LHFPL3: variants seen among roughly 807,000 people sequenced by gnomAD.
LHFPL3 encodes the protein LHFPL tetraspan subfamily member 3 protein.
A neutral mutation model predicts 19.3 loss-of-function variants in LHFPL3; 5 were observed. The ratio of observed to expected loss-of-function variants is 0.26; its 90% CI spans 0.14 to 0.54. LHFPL3 has a LOEUF of 0.54. LHFPL3 is among the 20% of genes least tolerant of loss of function. The pLI, the probability that LHFPL3 is intolerant of heterozygous loss-of-function variation, is 0.94. For synonymous variants in LHFPL3, 133 were observed against 126.2 expected (o/e 1.05, Z -0.36); for missense variants, 249 against 307.4 (o/e 0.81, Z 1.42).
At chr7:104,381,638 G>C (rs936473037) in intron 1 of LHFPL3, among the ~76,000 whole-genome samples, 3 of 151,818 alleles carry the variant, frequency 2.0e-5, no homozygotes, top group African/African-American at 7.3e-5. Context: ...ATATAAAGTT[G>C]TGAGTAAAAC....
intron 1 of LHFPL3, among the ~76,000 whole-genome samples, chr7:104,524,729 A>G (rs1325937082): frequency 6.6e-6 from 1 of 152,168 alleles, no homozygotes; most frequent in Non-Finnish European, 1.5e-5. Context: ...AAGACCAGGA[A>G]AAATGGAAAT....
chr7:104,752,809 C>T (rs1794201190), intron 2 of LHFPL3: 1 of 392,972 alleles, frequency 2.5e-6, no homozygotes. Flanking sequence ...AAAGCCTCCA[C>T]GTTGGGCACC....
chr7:104,449,998 C>A (rs1409585996), intron 1 of LHFPL3, among the ~76,000 whole-genome samples: 1 of 152,180 alleles, frequency 6.6e-6, no homozygotes, highest in African/African-American at 2.4e-5. Context: ...TTTGTCTTTA[C>A]ATTTTTATTC....
intron 1 of LHFPL3, among the ~76,000 whole-genome samples, chr7:104,394,858 G>A (rs1322503778): frequency 2.6e-5 from 4 of 151,868 alleles, no homozygotes; most frequent in African/African-American, 7.3e-5. Flanking sequence ...CCACCACCGC[G>A]TCAGGATAAT....
chr7:104,580,449 T>A (rs1334298019), intron 1 of LHFPL3, among the ~76,000 whole-genome samples: 1 of 152,166 alleles, frequency 6.6e-6, no homozygotes, highest in African/African-American at 2.4e-5. Flanking sequence ...GTATCTTTCC[T>A]TCTATCCAGT....
chr7:104,442,763 T>C (rs761496499), intron 1 of LHFPL3, among the ~76,000 whole-genome samples: 26 of 152,224 alleles, frequency 1.7e-4, no homozygotes, highest in Non-Finnish European at 3.2e-4. Context: ...AAGTGTCTCC[T>C]TGGCAAACTG....
chr7:104,391,570 C>T (rs1370112857), intron 1 of LHFPL3, among the ~76,000 whole-genome samples: 10 of 152,176 alleles, frequency 6.6e-5, no homozygotes, highest in Admixed American at 6.5e-4. Context: ...CAGTACCATG[C>T]TGTTTTGGTT....
intron 1 of LHFPL3, among the ~76,000 whole-genome samples, chr7:104,478,345 A>G (rs2115646158): frequency 6.6e-6 from 1 of 152,286 alleles, no homozygotes; most frequent in South Asian, 2.1e-4. Flanking sequence ...TGGCAGCCAT[A>G]GCTCCTGAAT....
intron 2 of LHFPL3, among the ~76,000 whole-genome samples, chr7:104,871,905 G>A (rs200592928): frequency 1.2e-4 from 18 of 152,060 alleles, no homozygotes; most frequent in East Asian, 7.7e-4. Flanking sequence ...TGATCTGCCC[G>A]CCTCGGCCTC....
chr7:104,536,725 C>A (rs1020960261), intron 1 of LHFPL3, among the ~76,000 whole-genome samples: 3 of 152,162 alleles, frequency 2.0e-5, no homozygotes, highest in African/African-American at 7.2e-5. Context: ...ATGCTCCTAC[C>A]ATTTAGTTCC....
intron 1 of LHFPL3, among the ~76,000 whole-genome samples, chr7:104,532,925 G>A (rs1440946374): frequency 3.3e-5 from 5 of 152,182 alleles, no homozygotes; most frequent in Admixed American, 3.3e-4. Flanking sequence ...CAATGTAGAA[G>A]ATGAACTATA....
At chr7:104,552,772 G>A (rs1794687297) in intron 1 of LHFPL3, among the ~76,000 whole-genome samples, 1 of 152,146 alleles carries the variant, frequency 6.6e-6, no homozygotes, top group Non-Finnish European at 1.5e-5. Context: ...CTTGCTGATT[G>A]TAATTTACAG....
At chr7:104,581,422 T>C (rs1790459333) in intron 1 of LHFPL3, among the ~76,000 whole-genome samples, 1 of 152,054 alleles carries the variant, frequency 6.6e-6, no homozygotes, top group Non-Finnish European at 1.5e-5. Flanking sequence ...TAGATATATG[T>C]TTTGAAAATA....
intron 1 of LHFPL3, among the ~76,000 whole-genome samples, chr7:104,352,989 G>T (rs1790207741): frequency 6.6e-6 from 1 of 152,174 alleles, no homozygotes; most frequent in South Asian, 2.1e-4. Context: ...TCAGTGGGGA[G>T]CCTGTAAGGG....
intron 1 of LHFPL3, among the ~76,000 whole-genome samples, chr7:104,725,482 A>G: frequency 6.9e-6 from 1 of 144,560 alleles, no homozygotes. Context: ...TTTTCTCACA[A>G]ATAAAATTAT....
chr7:104,386,088 C>T (rs936007716), intron 1 of LHFPL3, among the ~76,000 whole-genome samples: 5 of 152,172 alleles, frequency 3.3e-5, no homozygotes, highest in African/African-American at 9.7e-5. Flanking sequence ...CCATCCTCCT[C>T]CCCCAGCTCC....
chr7:104,556,582 C>T (rs1207458391), intron 1 of LHFPL3, among the ~76,000 whole-genome samples: 2 of 152,194 alleles, frequency 1.3e-5, no homozygotes, highest in African/African-American at 4.8e-5. Context: ...CATTTTTCCT[C>T]CTAAACCTCC....
intron 1 of LHFPL3, among the ~76,000 whole-genome samples, chr7:104,574,658 A>T (rs184639732): frequency 3.7e-3 from 561 of 152,320 alleles, no homozygotes; most frequent in African/African-American, 0.013. Flanking sequence ...ATTCGTCTAT[A>T]TTATACATTT....
At chr7:104,435,687 T>C (rs35954094) in intron 1 of LHFPL3, among the ~76,000 whole-genome samples, 1,677 of 152,126 alleles carry the variant, frequency 0.011, 11 homozygotes, top group Non-Finnish European at 0.019. Context: ...CTTGCTTGGG[T>C]TGTTGAATAT....
Sources: allele counts gnomAD v4.1 joint callset (sites outside exome capture counted in the v4.1 genomes callset), GRCh38; gene constraint gnomAD v4.1.1; transcripts MANE v1.5; gene names NCBI Gene and HGNC (gene_info 2026-07-23, HGNC 2026-07-21).